The following KCNK9 variants were observed in gnomAD, a reference collection of about 807,000 sequenced individuals.
KCNK9 encodes the protein potassium two pore domain channel subfamily K member 9.
KCNK9 carries 1 observed loss-of-function variant against 10.8 expected under a neutral mutation model. The observed-to-expected ratio is 0.09, with a 90% CI of 0.03 to 0.44. KCNK9 has a LOEUF of 0.44. Ranked by LOEUF, KCNK9 falls within the 20% of genes least tolerant of loss-of-function variation. The pLI is 0.97. For missense variants in KCNK9, 303 were observed against 515.0 expected, an observed-to-expected ratio of 0.59 and a Z score of 3.98; for synonymous variants, 231 against 222.7, an observed-to-expected ratio of 1.04 and a Z score of -0.33.
At position 139,702,784 on chromosome 8, in the gene KCNK9, T is replaced by C; in HGVS notation, c.209A>G (p.Glu70Gly). ...RQLELVILQS[E>G]PHRAGVQWKF... ...CCACTGGACGCCGGCGCGGTGCGGT[T>C]CCGACTGCAGGATCACCAGCTCCAG... The change falls in exon 1 of 2, where the codon GAA becomes GGA. Residue 70 changes from glutamate (E) to glycine (G), a missense_variant. Glu to Gly is a moderately conservative substitution (Grantham distance 98). Transcript: ENST00000520439. The surrounding 1 kb of genome is among the most constrained non-coding windows in gnomAD (Gnocchi z 7.5). The C allele has an allele frequency of 6.2e-7, 1 of 1,613,796 alleles. No homozygotes were observed. Among genetic ancestry groups the C allele is most frequent in the South Asian group, 1.1e-5 (1 of 91,050 alleles).
rs568369003 is a variant in KCNK9, at chr8:139,603,182, A to T, written c.*1-1581T>A. On this transcript the variant is annotated intron_variant, in intron 2 of 2. Coordinates refer to the KCNK9 transcript ENST00000650269. ...TTTCCATTAACAGGTACACGGTGATAACAATGATGACAGTGATGAAGACTC... is the reference window on the plus strand; with the variant it reads ...TTTCCATTAACAGGTACACGGTGATTACAATGATGACAGTGATGAAGACTC... Among the ~76,000 whole-genome samples, 3 of 152,336 alleles carry T rather than the reference A, an allele frequency of 2.0e-5. No individual in the cohort carries two copies. The South Asian group carries it at 6.2e-4, about 32-fold the overall frequency.
intron 1 of KCNK9, among the ~76,000 whole-genome samples, chr8:139,669,062 G>A (rs144211038): frequency 6.4e-4 from 97 of 151,974 alleles, no homozygotes; most frequent in Middle Eastern, 3.4e-3. Context: ...GTATGCAATC[G>A]TATTGTGTCT....
At chr8:139,662,600 C>A (rs1816184859) in intron 1 of KCNK9, among the ~76,000 whole-genome samples, 1 of 152,232 alleles carries the variant, frequency 6.6e-6, no homozygotes, top group African/African-American at 2.4e-5. Flanking sequence ...CAGGCCTAGG[C>A]TGCCAGGTTA....
At chr8:139,614,839 T>C (rs1017421482), downstream of KCNK9, among the ~76,000 whole-genome samples, 1 of 152,134 alleles carries the variant, frequency 6.6e-6, no homozygotes, top group East Asian at 1.9e-4. Flanking sequence ...ACTCCAAATA[T>C]AGGAGGAAGG....
At chr8:139,694,081 G>A (rs1336809481) in intron 1 of KCNK9, among the ~76,000 whole-genome samples, 4 of 152,154 alleles carry the variant, frequency 2.6e-5, no homozygotes, top group Admixed American at 1.3e-4. Context: ...TCTCTGAGGA[G>A]CATTTCTCAG....
chr8:139,679,452 C>A lies in KCNK9; in HGVS notation c.283+23258G>T, dbSNP rs1816636488. Among the ~76,000 whole-genome samples the A allele has an allele frequency of 1.3e-5, 2 of 152,376 alleles. 1 individual carries two copies. Among genetic ancestry groups the A allele is most frequent in the South Asian group, 4.1e-4 (2 of 4,828 alleles). On this transcript the variant is annotated intron_variant, in intron 1 of 1. Coordinates refer to ENST00000520439, the MANE Select transcript of KCNK9 (RefSeq NM_001282534.2). ...CCCACTTCTTGTTACAAGGGAAACCCAGACTGGTCAGATTTTTCTAACAAG... is the reference window on the plus strand; with the variant it reads ...CCCACTTCTTGTTACAAGGGAAACCAAGACTGGTCAGATTTTTCTAACAAG...
intron 1 of KCNK9, among the ~76,000 whole-genome samples, chr8:139,700,348 G>A (rs1300953398): frequency 6.6e-6 from 1 of 152,154 alleles, no homozygotes; most frequent in Non-Finnish European, 1.5e-5. Context: ...GTCAGGAGTT[G>A]GGAAATGACC....
At chr8:139,619,966 TG>T (rs1483508754) in intron 1 of KCNK9, among the ~76,000 whole-genome samples, 1 of 152,252 alleles carries the variant, frequency 6.6e-6, no homozygotes, top group Non-Finnish European at 1.5e-5. Flanking sequence ...AGACCTTATG[TG>T]TGTAAGCACT....
downstream of KCNK9, among the ~76,000 whole-genome samples, chr8:139,614,483 G>A (rs1814520960): frequency 6.6e-6 from 1 of 152,220 alleles, no homozygotes; most frequent in Admixed American, 6.5e-5. Flanking sequence ...GCCATGCACA[G>A]TGGGAGCGCG....
chr8:139,645,113 A>G (rs904461848), intron 1 of KCNK9, among the ~76,000 whole-genome samples: 1 of 152,188 alleles, frequency 6.6e-6, no homozygotes, highest in Admixed American at 6.5e-5. Context: ...AGTGCAAGCC[A>G]TAGACCACAG....
intron 1 of KCNK9, among the ~76,000 whole-genome samples, chr8:139,646,581 C>T (rs1815691970): frequency 6.6e-6 from 1 of 152,182 alleles, no homozygotes; most frequent in South Asian, 2.1e-4. Context: ...TGAGGTACAA[C>T]CCGCCAGTAA....
intron 1 of KCNK9, among the ~76,000 whole-genome samples, chr8:139,652,594 G>A (rs1457570839): frequency 6.6e-6 from 1 of 152,174 alleles, no homozygotes; most frequent in Non-Finnish European, 1.5e-5. Context: ...CTCCTCTAAG[G>A]GCCGGATTCT....
chr8:139,644,972 A>G (rs1815630801), intron 1 of KCNK9, among the ~76,000 whole-genome samples: 1 of 152,202 alleles, frequency 6.6e-6, no homozygotes, highest in Non-Finnish European at 1.5e-5. Flanking sequence ...GGGCTAGCCA[A>G]CCAAGCCCCC....
At chr8:139,677,396 G>T (rs1445834395) in intron 1 of KCNK9, among the ~76,000 whole-genome samples, 2 of 152,022 alleles carry the variant, frequency 1.3e-5, no homozygotes, top group African/African-American at 2.4e-5. Flanking sequence ...CAAAACACTT[G>T]TCCCAGGGGC....
rs558619547 is a variant in KCNK9, at chr8:139,601,756, T to C, written c.*1-155A>G. Among the ~76,000 whole-genome samples the C allele has an allele frequency of 2.6e-5, 4 of 152,354 alleles. No homozygotes were observed. In the South Asian group the frequency reaches 8.3e-4, roughly 32 times the overall value. ...GATAATTAAGACCCCCTGCTCCTGA[T>C]GTAAGATTTTATTGCATGTTAGGTT... On this transcript the variant is annotated intron_variant, in intron 2 of 2. Transcript: ENST00000650269.
downstream of KCNK9, among the ~76,000 whole-genome samples, chr8:139,610,556 C>G (rs1011460144): frequency 1.3e-5 from 2 of 152,214 alleles, no homozygotes; most frequent in African/African-American, 4.8e-5. Flanking sequence ...TCCCCATATG[C>G]AAATTCAAGC....
chr8:139,672,960 A>C (rs1290002052), intron 1 of KCNK9, among the ~76,000 whole-genome samples: 1 of 152,188 alleles, frequency 6.6e-6, no homozygotes, highest in African/African-American at 2.4e-5. Flanking sequence ...GGGAGCAGCC[A>C]GTGGTGGGGA....
intron 1 of KCNK9, among the ~76,000 whole-genome samples, chr8:139,633,406 G>A (rs1815234579): frequency 6.6e-6 from 1 of 152,094 alleles, no homozygotes; most frequent in Admixed American, 6.5e-5. Flanking sequence ...CCAAACGATG[G>A]CAATCATGAG....
At chr8:139,670,394 G>A (rs1816399376) in intron 1 of KCNK9, among the ~76,000 whole-genome samples, 1 of 152,088 alleles carries the variant, frequency 6.6e-6, no homozygotes, top group African/African-American at 2.4e-5. Context: ...ATGACACGGG[G>A]TGCCACAAAC....
Sources: allele counts gnomAD v4.1 joint callset (sites outside exome capture counted in the v4.1 genomes callset), GRCh38; gene constraint gnomAD v4.1.1; non-coding constraint Gnocchi (gnomAD v3.1); transcripts MANE v1.5; gene names NCBI Gene and HGNC (gene_info 2026-07-23, HGNC 2026-07-21).